The following SCN2A variants were observed in gnomAD, a reference collection of about 807,000 sequenced individuals.
The protein encoded by SCN2A is sodium voltage-gated channel alpha subunit 2, also known as sodium channel protein type 2 subunit alpha.
Under a neutral mutation model 188.7 loss-of-function variants are expected in SCN2A, and 20 were observed. That is an observed-to-expected ratio of 0.11 (90% CI 0.07 to 0.15). SCN2A has a LOEUF of 0.15. Among genes scored for constraint, SCN2A ranks in the 10% least tolerant of loss-of-function variants. The pLI, the probability that SCN2A is intolerant of heterozygous loss-of-function variation, is 1.00. For synonymous variants in SCN2A, 804 were observed against 833.1 expected, an observed-to-expected ratio of 0.97 and a Z score of 0.60; for missense variants, 1,278 against 2,445.0, an observed-to-expected ratio of 0.52 and a Z score of 10.07.
At chr2:165,380,076 C>A (rs926833880) in intron 23 of SCN2A, among the ~76,000 whole-genome samples, 1 of 151,748 alleles carries the variant, frequency 6.6e-6, no homozygotes, top group South Asian at 2.1e-4. Flanking sequence ...TATACCAAAC[C>A]CTTACACTTA....
intron 26 of SCN2A, among the ~76,000 whole-genome samples, chr2:165,387,767 A>G (rs1701949314): frequency 6.6e-6 from 1 of 152,122 alleles, no homozygotes; most frequent in Non-Finnish European, 1.5e-5. Flanking sequence ...CATGGAGGGG[A>G]AAATTATATA....
At chr2:165,240,625 T>C (rs1235145912) in intron 1 of SCN2A, among the ~76,000 whole-genome samples, 1 of 151,546 alleles carries the variant, frequency 6.6e-6, no homozygotes, top group Admixed American at 6.6e-5. Context: ...AAGATTGTTT[T>C]TAAATGCCTC....
chr2:165,248,440 G>C (rs1202535845), intron 1 of SCN2A, among the ~76,000 whole-genome samples: 2 of 152,020 alleles, frequency 1.3e-5, no homozygotes, highest in Non-Finnish European at 2.9e-5. Context: ...TTTTGCCTCA[G>C]GCACTTGCAT....
intron 16 of SCN2A, among the ~76,000 whole-genome samples, chr2:165,351,581 A>T (rs968459324): frequency 5.2e-4 from 79 of 152,132 alleles, no homozygotes; most frequent in African/African-American, 1.7e-3. Context: ...TTCAAAAAAA[A>T]AAAAGCTTCT....
Position 165,389,215 on chromosome 2 carries a change from G to A in SCN2A, c.5409G>A (p.Glu1803=). The A allele has an allele frequency of 6.2e-7, 1 of 1,614,038 alleles. No individual in the cohort carries two copies. The highest frequency in any genetic ancestry group is 8.5e-7 in the Non-Finnish European group (1 of 1,179,998). The change falls in exon 27 of 27, where the codon GAG becomes GAA. Residue 1803 remains glutamate, a synonymous_variant. Transcript: ENST00000375437. This position sits in a 1 kb window ranked among gnomAD's most constrained non-coding sequence, Gnocchi z 4.2. The part of the protein sequence containing the change: ...DDFEMFYEVW[E]KFDPDATQFI... Reference sequence around the variant, plus strand: ...TTGAGATGTTCTATGAGGTTTGGGAGAAGTTTGATCCCGATGCGACCCAGT... The same window carrying A: ...TTGAGATGTTCTATGAGGTTTGGGAAAAGTTTGATCCCGATGCGACCCAGT...
At chr2:165,247,209 C>T (rs1182753341) in intron 1 of SCN2A, among the ~76,000 whole-genome samples, 2 of 152,104 alleles carry the variant, frequency 1.3e-5, no homozygotes, top group Non-Finnish European at 2.9e-5. Flanking sequence ...GTAATTTTAG[C>T]TCTTTATTAT....
intron 1 of SCN2A, among the ~76,000 whole-genome samples, chr2:165,263,587 T>C (rs1331685110): frequency 6.6e-6 from 1 of 152,148 alleles, no homozygotes; most frequent in Non-Finnish European, 1.5e-5. Context: ...ATATGCTGAC[T>C]TTTATGCCAG....
At chr2:165,377,755 A>G in intron 23 of SCN2A, 105 bp downstream of exon 23, 1 of 869,996 alleles carries the variant, frequency 1.1e-6, no homozygotes, top group Non-Finnish European at 1.8e-6. Flanking sequence ...TGCTTAATTT[A>G]TAAAACCCAT....
In SCN2A at chr2:165,389,358, G is replaced by A; in HGVS notation, c.5552G>A (p.Arg1851Gln). ...GATCTGCCCATGGTGAGTGGTGACC[G>A]GATCCACTGTCTTGACATCTTATTT... ...AMDLPMVSGD[R>Q]IHCLDILFAF... The change falls in exon 27 of 27, where the codon CGG becomes CAG. Residue 1851 changes from arginine (R) to glutamine (Q), a missense_variant. Coordinates refer to ENST00000375437, the MANE Select transcript of SCN2A (RefSeq NM_001040142.2). The surrounding 1 kb of genome is among the most constrained non-coding windows in gnomAD (Gnocchi z 4.2). 12 of 1,614,016 alleles carry A rather than the reference G, an allele frequency of 7.4e-6. No individual in the cohort carries two copies. The highest frequency in any genetic ancestry group is 1.0e-5 in the Non-Finnish European group (12 of 1,179,990).
intron 1 of SCN2A, among the ~76,000 whole-genome samples, chr2:165,284,085 C>T (rs353131): frequency 2.9e-4 from 44 of 151,914 alleles, no homozygotes; most frequent in Admixed American, 1.8e-3. Context: ...GTCTGTTTTT[C>T]TCTCTCTCTC....
chr2:165,317,090 C>A (rs545916682), intron 11 of SCN2A, among the ~76,000 whole-genome samples: 128 of 152,214 alleles, frequency 8.4e-4, no homozygotes, highest in African/African-American at 2.9e-3. Context: ...GACAAGCTCA[C>A]ATAACCTCAC....
chr2:165,325,406 A>T (rs534398124), intron 12 of SCN2A, among the ~76,000 whole-genome samples: 5 of 152,332 alleles, frequency 3.3e-5, no homozygotes, highest in African/African-American at 1.2e-4. Context: ...CAAACAAATG[A>T]AGTAGGCTTT....
chr2:165,386,743 C>T lies in SCN2A; in HGVS notation c.4552-3C>T. On this transcript the variant is annotated splice_region_variant and splice_polypyrimidine_tract_variant and intron_variant, in intron 25 of 26. Coordinates refer to ENST00000375437, the MANE Select transcript of SCN2A (RefSeq NM_001040142.2). ...TGGAACTTTTACATATTATTTGTTC[C>T]AGAACAAATTCCAAGGAATGGTCTT... The T allele has an allele frequency of 6.2e-7, 1 of 1,611,674 alleles. No individual in the cohort carries two copies. Among genetic ancestry groups the T allele is most frequent in the South Asian group, 1.1e-5 (1 of 90,876 alleles).
chr2:165,299,787 G>A (rs1279638768), intron 3 of SCN2A, among the ~76,000 whole-genome samples: 1 of 152,134 alleles, frequency 6.6e-6, no homozygotes, highest in East Asian at 1.9e-4. Flanking sequence ...TGGAGAGATG[G>A]TCATGGTTGT....
chr2:165,335,743 G>A (rs1435683824), intron 14 of SCN2A, among the ~76,000 whole-genome samples: 1 of 151,600 alleles, frequency 6.6e-6, no homozygotes, highest in African/African-American at 2.4e-5. Flanking sequence ...AGAAAAAAAA[G>A]GTTCATTGGA....
chr2:165,300,140 A>G (rs181023838), intron 3 of SCN2A, among the ~76,000 whole-genome samples: 1 of 152,346 alleles, frequency 6.6e-6, no homozygotes, highest in African/African-American at 2.4e-5. Context: ...GTTAAAAATA[A>G]TCTATGTTCC....
Position 165,389,870 on chromosome 2 carries a change from C to G in SCN2A, c.*46C>G. 6.5e-7 allele frequency: 1 copy of G among 1,548,980 alleles called. No homozygotes were observed. The highest frequency in any genetic ancestry group is 8.7e-7 in the Non-Finnish European group (1 of 1,150,304). On this transcript the variant is annotated 3_prime_UTR_variant, in exon 27 of 27. Transcript: ENST00000375437. The surrounding 1 kb of genome is among the most constrained non-coding windows in gnomAD (Gnocchi z 4.2). The stretch of plus-strand genomic sequence containing the variant: ...ATTTTGTGATCAATTGTTTACAGCC[C>G]GTGATGGTGATGTGTTTGTGTCAAC...
At chr2:165,308,984 A>G (rs1697287368) in intron 5 of SCN2A, among the ~76,000 whole-genome samples, 190 bp downstream of exon 5, 1 of 152,132 alleles carries the variant, frequency 6.6e-6, no homozygotes, top group South Asian at 2.1e-4. Flanking sequence ...TTTGGTTTCA[A>G]TTAGCACTGT....
At chr2:165,275,132 G>A (rs563720680) in intron 1 of SCN2A, among the ~76,000 whole-genome samples, 5 of 152,192 alleles carry the variant, frequency 3.3e-5, no homozygotes, top group South Asian at 4.2e-4. Flanking sequence ...TATTGCATTC[G>A]TTCAATGTTA....
Sources: allele counts gnomAD v4.1 joint callset (sites outside exome capture counted in the v4.1 genomes callset), GRCh38; gene constraint gnomAD v4.1.1; non-coding constraint Gnocchi (gnomAD v3.1); transcripts MANE v1.5; gene names NCBI Gene and HGNC (gene_info 2026-07-23, HGNC 2026-07-21).